EPHA6: variants seen among roughly 807,000 people sequenced by gnomAD.
The protein encoded by EPHA6 is EPH receptor A6.
EPHA6 carries 50 observed loss-of-function variants against 112.0 expected under a neutral mutation model. That is an observed-to-expected ratio of 0.45 (90% CI 0.36 to 0.56). The LOEUF (loss-of-function observed/expected upper bound fraction) is 0.56. EPHA6 is among the 20% of genes least tolerant of loss of function. The probability of loss-of-function intolerance (pLI) is 0.00; values close to 1 mark genes in which losing one functional copy is unlikely to be tolerated. For synonymous variants in EPHA6, 529 were observed against 490.7 expected (o/e 1.08, Z -1.03); for missense variants, 1,280 against 1,417.4 (o/e 0.90, Z 1.56).
rs1310811371 is a variant in EPHA6 at position 96,913,804 on chromosome 3, C to CA, written c.450+46922dup. Among the ~76,000 whole-genome samples, 5 of 152,086 alleles carry CA rather than the reference C, an allele frequency of 3.3e-5. No individual in the cohort carries two copies. The East Asian group carries it at 7.7e-4, about 23-fold the overall frequency. Reference sequence around the variant, plus strand: ...AGATTAATAATTTAGCTAAAGATAACAAAAAAATCACTATTGATTTTAACC... The same window carrying CA: ...AGATTAATAATTTAGCTAAAGATAACAAAAAAAATCACTATTGATTTTAACC... On this transcript the variant is annotated intron_variant, in intron 2 of 17. Coordinates refer to ENST00000389672, the MANE Select transcript of EPHA6 (RefSeq NM_001080448.3).
intron 14 of EPHA6, among the ~76,000 whole-genome samples, chr3:97,706,797 T>C (rs1024890649): frequency 1.3e-5 from 2 of 151,980 alleles, no homozygotes; most frequent in Admixed American, 6.6e-5. Context: ...TTGTTTTTTT[T>C]TTTTTGCTGC....
intron 5 of EPHA6, among the ~76,000 whole-genome samples, chr3:97,364,096 T>C (rs1450407185): frequency 1.3e-5 from 2 of 152,032 alleles, no homozygotes; most frequent in African/African-American, 4.8e-5. Context: ...GATGGCTACA[T>C]AGTAGTATAA....
At chr3:96,883,863 G>A (rs1395418868) in intron 2 of EPHA6, among the ~76,000 whole-genome samples, 1 of 151,940 alleles carries the variant, frequency 6.6e-6, no homozygotes, top group African/African-American at 2.4e-5. Context: ...GTAGAGACAG[G>A]GTTTCACCAT....
intron 14 of EPHA6, among the ~76,000 whole-genome samples, chr3:97,693,739 C>A (rs560093769): frequency 6.6e-6 from 1 of 152,160 alleles, no homozygotes; most frequent in East Asian, 1.9e-4. Flanking sequence ...ACCCGGGAGG[C>A]GGAGCTTGCA....
chr3:97,461,399 C>A (rs534292285), intron 7 of EPHA6, among the ~76,000 whole-genome samples: 2 of 152,256 alleles, frequency 1.3e-5, no homozygotes, highest in East Asian at 3.9e-4. Flanking sequence ...GTTTCCACAT[C>A]TGGAAAATGG....
At chr3:97,176,444 G>A (rs1277538297) in intron 3 of EPHA6, among the ~76,000 whole-genome samples, 1 of 151,684 alleles carries the variant, frequency 6.6e-6, no homozygotes, top group African/African-American at 2.4e-5. Flanking sequence ...CTCCTTCTCT[G>A]CTCTTCAGAA....
chr3:96,904,575 T>A (rs891811615), intron 2 of EPHA6, among the ~76,000 whole-genome samples: 2 of 151,714 alleles, frequency 1.3e-5, no homozygotes, highest in Non-Finnish European at 2.9e-5. Context: ...ACCTGCACAT[T>A]GTGCACATGT....
At chr3:96,923,737 C>T (rs111382136) in intron 2 of EPHA6, among the ~76,000 whole-genome samples, 1 of 152,074 alleles carries the variant, frequency 6.6e-6, no homozygotes, top group African/African-American at 2.4e-5. Flanking sequence ...CCTAGATTTT[C>T]TTCTAGAGAT....
At chr3:97,046,690 G>A (rs2045518699) in intron 3 of EPHA6, among the ~76,000 whole-genome samples, 1 of 151,948 alleles carries the variant, frequency 6.6e-6, no homozygotes, top group African/African-American at 2.4e-5. Flanking sequence ...ATTTACAAAA[G>A]CCAGTAGTAA....
chr3:96,942,607 C>T (rs1025180948), intron 2 of EPHA6, among the ~76,000 whole-genome samples: 11 of 152,324 alleles, frequency 7.2e-5, no homozygotes, highest in East Asian at 3.9e-4. Flanking sequence ...GCACACGGTG[C>T]GCTGCACCCA....
intron 2 of EPHA6, among the ~76,000 whole-genome samples, chr3:96,873,353 T>C (rs1198039251): frequency 6.6e-6 from 1 of 151,958 alleles, no homozygotes; most frequent in African/African-American, 2.4e-5. Flanking sequence ...CTAAGTGGAG[T>C]TGTTCATTTT....
At chr3:97,550,291 G>A (rs983009803) in intron 11 of EPHA6, among the ~76,000 whole-genome samples, 1 of 152,228 alleles carries the variant, frequency 6.6e-6, no homozygotes, top group African/African-American at 2.4e-5. Context: ...AGAATATGTG[G>A]ATGACCCAGT....
At chr3:97,074,124 G>A (rs2046442684) in intron 3 of EPHA6, among the ~76,000 whole-genome samples, 1 of 151,742 alleles carries the variant, frequency 6.6e-6, no homozygotes, top group Admixed American at 6.6e-5. Flanking sequence ...TTGCATTTAT[G>A]GGTGTGCTAT....
At chr3:96,909,755 C>T (rs1031856391) in intron 2 of EPHA6, among the ~76,000 whole-genome samples, 3 of 151,880 alleles carry the variant, frequency 2.0e-5, no homozygotes, top group Non-Finnish European at 4.4e-5. Flanking sequence ...AGCCAAAAGA[C>T]ATATTAAGTG....
chr3:97,375,319 T>A (rs952628196), intron 5 of EPHA6, among the ~76,000 whole-genome samples: 50 of 152,304 alleles, frequency 3.3e-4, no homozygotes, highest in African/African-American at 1.2e-3. Flanking sequence ...TTCACATCAC[T>A]GAGAAAATAC....
intron 1 of EPHA6, among the ~76,000 whole-genome samples, chr3:96,859,637 C>T (rs2035897114): frequency 6.6e-6 from 1 of 152,038 alleles, no homozygotes; most frequent in South Asian, 2.1e-4. Flanking sequence ...ATCTCCCACT[C>T]TATGTAAAAC....
chr3:97,215,353 C>T lies in EPHA6; in HGVS notation c.1115-10911C>T, dbSNP rs1255884596. 2.0e-5 allele frequency among the ~76,000 whole-genome samples: 3 copies of T among 152,160 alleles called. No homozygotes were observed. In the South Asian group the frequency reaches 6.2e-4, roughly 31 times the overall value. On this transcript the variant is annotated intron_variant, in intron 3 of 17. Coordinates refer to ENST00000389672, the MANE Select transcript of EPHA6 (RefSeq NM_001080448.3). Reference sequence around the variant, plus strand: ...TGTGTGTGTATGTGACTGAAAGTCACAGGCTTCAGCTGTGTTTCAATCAAT... The same window carrying T: ...TGTGTGTGTATGTGACTGAAAGTCATAGGCTTCAGCTGTGTTTCAATCAAT...
intron 7 of EPHA6, among the ~76,000 whole-genome samples, chr3:97,473,526 A>G (rs1369300016): frequency 6.6e-6 from 1 of 151,856 alleles, no homozygotes; most frequent in Non-Finnish European, 1.5e-5. Context: ...AATTATAGCT[A>G]CCTAACTACT....
At chr3:97,071,541 C>A (rs2046358040) in intron 3 of EPHA6, among the ~76,000 whole-genome samples, 1 of 151,940 alleles carries the variant, frequency 6.6e-6, no homozygotes, top group Non-Finnish European at 1.5e-5. Flanking sequence ...GAAGCAAAAG[C>A]AGAAACCCCT....
Sources: gnomAD v4.1 joint callset for allele counts (sites outside exome capture counted in the v4.1 genomes callset) on GRCh38, gnomAD v4.1.1 for gene constraint, MANE v1.5 for transcripts, NCBI Gene and HGNC (gene_info 2026-07-23, HGNC 2026-07-21) for gene names.